CGRRF1: variants seen among roughly 807,000 people sequenced by gnomAD.
CGRRF1 encodes the protein cell growth regulator with RING finger domain protein 1.
CGRRF1 carries 32 observed loss-of-function variants against 37.2 expected under a neutral mutation model. The observed-to-expected ratio is 0.86, with a 90% CI of 0.65 to 1.16. The LOEUF (loss-of-function observed/expected upper bound fraction) is 1.16, where lower values mean the gene tolerates loss of function less well. Ranked by LOEUF, CGRRF1 falls within the 50% of genes most tolerant of loss-of-function variation. The pLI is 0.00. For synonymous variants in CGRRF1, 141 were observed against 140.3 expected, an observed-to-expected ratio of 1.00 and a Z score of -0.04; for missense variants, 391 against 382.6, an observed-to-expected ratio of 1.02 and a Z score of -0.18.
intron 5 of CGRRF1, 94 bp from the exon 6 acceptor site, chr14:54,537,969 A>T: frequency 2.7e-6 from 4 of 1,471,120 alleles, no homozygotes; most frequent in Non-Finnish European, 3.6e-6. Flanking sequence ...TGAATTTGCT[A>T]GCTCATAAAT....
rs549382141 is a variant in CGRRF1, at chr14:54,510,284, C to T, written c.104+221C>T. On this transcript the variant is annotated intron_variant, in intron 1 of 5. Coordinates refer to ENST00000216420, the MANE Select transcript of CGRRF1 (RefSeq NM_006568.3). ...CACCGTTTGGTCCGTGTCGCTGGGG[C>T]ATCTTGGGGTGGTACCGCATTGGGG... The T allele has an allele frequency of 5.3e-6, 3 of 568,176 alleles. No homozygotes were observed. In the East Asian group the frequency reaches 9.0e-5, roughly 17 times the overall value. 35.2% of individuals were successfully genotyped at this position (568,176 alleles called of 1,614,324 possible).
chr14:54,522,566 A>T lies in CGRRF1; in HGVS notation c.217A>T (p.Thr73Ser). The change falls in exon 2 of 6, where the codon ACT becomes TCT. Residue 73 changes from threonine (T) to serine (S), a missense_variant. By Grantham distance (58) the Thr-to-Ser change is moderately conservative. Coordinates refer to ENST00000216420, the MANE Select transcript of CGRRF1 (RefSeq NM_006568.3). Reference sequence around the variant, plus strand: ...CAAGAATCCTTTTGGCTTAGAGATCACTAATCCATCTTCAGCTTCAATTAC... The same window carrying T: ...CAAGAATCCTTTTGGCTTAGAGATCTCTAATCCATCTTCAGCTTCAATTAC... The part of the protein sequence containing the change: ...QVKNPFGLEI[T>S]NPSSASITTG... 1 of 1,595,392 alleles carries T rather than the reference A, an allele frequency of 6.3e-7. No individual in the cohort carries two copies. The highest frequency in any genetic ancestry group is 8.5e-7 in the Non-Finnish European group (1 of 1,173,782).
intron 2 of CGRRF1, among the ~76,000 whole-genome samples, chr14:54,522,854 T>C (rs1446798904): frequency 6.6e-6 from 1 of 152,260 alleles, no homozygotes; most frequent in Non-Finnish European, 1.5e-5. Context: ...CAGGTGTTAA[T>C]AGTGAAGTCT....
At chr14:54,520,054 C>T (rs938638420) in intron 1 of CGRRF1, among the ~76,000 whole-genome samples, 1 of 152,026 alleles carries the variant, frequency 6.6e-6, no homozygotes, top group Admixed American at 6.6e-5. Flanking sequence ...TGTTTGTTTT[C>T]GTTTATAGTT....
intron 4 of CGRRF1, among the ~76,000 whole-genome samples, chr14:54,533,930 G>T (rs768704676): frequency 5.3e-5 from 8 of 151,836 alleles, no homozygotes; most frequent in Non-Finnish European, 8.8e-5. Flanking sequence ...ATATTTGTCT[G>T]TATCTTTCCA....
Position 54,530,071 on chromosome 14 carries a change from T to C in CGRRF1, c.267T>C (p.Asp89=). Residue 89 remains aspartate, a synonymous_variant, in exon 3 of 6, where the codon GAT becomes GAC. Coordinates refer to ENST00000216420, the MANE Select transcript of CGRRF1 (RefSeq NM_006568.3). ...CAGCTGGCATAACCTTGACAACAGA[T>C]TGCCTTGAAGATAGCCTCCTTACAT... ...SITTGITLTT[D]CLEDSLLTCY... 2.5e-6 allele frequency: 4 copies of C among 1,610,952 alleles called. No individual in the cohort carries two copies. The African/African-American group carries it at 4.0e-5, about 16-fold the overall frequency.
chr14:54,512,601 C>G (rs2032147654), intron 1 of CGRRF1, among the ~76,000 whole-genome samples: 1 of 152,222 alleles, frequency 6.6e-6, no homozygotes, highest in Non-Finnish European at 1.5e-5. Flanking sequence ...TGCAAGCTGA[C>G]TGCCCATTGG....
intron 2 of CGRRF1, among the ~76,000 whole-genome samples, chr14:54,523,871 G>A (rs1021028069): frequency 1.3e-4 from 19 of 151,952 alleles, no homozygotes; most frequent in African/African-American, 4.1e-4. Context: ...TTTCTGGGCC[G>A]AGACCCTGTC....
rs149602756 is a variant in CGRRF1 at position 54,521,331 on chromosome 14, C to T, written c.105-1123C>T. Among the ~76,000 whole-genome samples the T allele has an allele frequency of 4.1e-3, 621 of 151,698 alleles. 7 individuals are homozygous for T. Among genetic ancestry groups the T allele is most frequent in the African/African-American group, 0.014 (596 of 41,402 alleles). Reference sequence around the variant, plus strand: ...CAAAAATTACCTGGGCATGGTGGCACATGCCTGTAATCTCAGCTACTTGGG... The same window carrying T: ...CAAAAATTACCTGGGCATGGTGGCATATGCCTGTAATCTCAGCTACTTGGG... On this transcript the variant is annotated intron_variant, in intron 1 of 5. Transcript: ENST00000216420.
At chr14:54,516,380 C>A (rs1481129300) in intron 1 of CGRRF1, among the ~76,000 whole-genome samples, 1 of 151,980 alleles carries the variant, frequency 6.6e-6, no homozygotes, top group African/African-American at 2.4e-5. Context: ...TTGAAAAAGT[C>A]TTTATTTTGC....
At chr14:54,519,685 G>A (rs1017043519) in intron 1 of CGRRF1, among the ~76,000 whole-genome samples, 8 of 152,204 alleles carry the variant, frequency 5.3e-5, no homozygotes, top group Non-Finnish European at 1.0e-4. Flanking sequence ...AGTACATGAA[G>A]GCTTGGTTGC....
intron 1 of CGRRF1, among the ~76,000 whole-genome samples, chr14:54,520,411 G>C (rs1008712210): frequency 2.6e-5 from 4 of 152,198 alleles, no homozygotes; most frequent in Admixed American, 2.6e-4. Context: ...GGGATTACAG[G>C]TGTGAGCCAC....
intron 1 of CGRRF1, among the ~76,000 whole-genome samples, chr14:54,520,300 T>C (rs2032294291): frequency 6.6e-6 from 1 of 151,834 alleles, no homozygotes; most frequent in South Asian, 2.1e-4. Context: ...TGTATGTGTG[T>C]GTGTGTGTAT....
chr14:54,534,374 C>T (rs1353556070), intron 4 of CGRRF1, among the ~76,000 whole-genome samples: 1 of 152,128 alleles, frequency 6.6e-6, no homozygotes. Flanking sequence ...CGACCCGCCT[C>T]GGCCTCCCAA....
chr14:54,513,048 A>T (rs2032155644), intron 1 of CGRRF1, among the ~76,000 whole-genome samples: 1 of 152,208 alleles, frequency 6.6e-6, no homozygotes, highest in African/African-American at 2.4e-5. Flanking sequence ...GTTGATGCTG[A>T]CAACTTTAAA....
intron 1 of CGRRF1, among the ~76,000 whole-genome samples, chr14:54,511,653 C>T (rs1048326658): frequency 2.6e-5 from 4 of 152,198 alleles, no homozygotes; most frequent in African/African-American, 9.7e-5. Context: ...TCAGGAGCCT[C>T]ATGTTTGTAG....
chr14:54,521,185 G>A (rs1324063901), intron 1 of CGRRF1, among the ~76,000 whole-genome samples: 1 of 152,118 alleles, frequency 6.6e-6, no homozygotes, highest in Non-Finnish European at 1.5e-5. Context: ...TCCTGGCTGG[G>A]TATGGTGGCT....
rs184724315 is a variant in CGRRF1, at chr14:54,515,559, G to T, written c.104+5496G>T. Among the ~76,000 whole-genome samples the T allele has an allele frequency of 4.3e-3, 657 of 152,218 alleles. 2 individuals are homozygous for T. Among genetic ancestry groups the T allele is most frequent in the Non-Finnish European group, 6.9e-3 (469 of 68,014 alleles). On this transcript the variant is annotated intron_variant, in intron 1 of 5. Coordinates refer to ENST00000216420, the MANE Select transcript of CGRRF1 (RefSeq NM_006568.3). ...GTGGATTTATCTATTTCTCTTGGCA[G>T]TTGTATCAGTTTTTGCTTTATATTT...
At chr14:54,531,930 G>A (rs1023712787) in intron 4 of CGRRF1, among the ~76,000 whole-genome samples, 1 of 152,104 alleles carries the variant, frequency 6.6e-6, no homozygotes, top group Non-Finnish European at 1.5e-5. Flanking sequence ...TAAACATATG[G>A]TAACATTGTT....
Sources: allele counts gnomAD v4.1 joint callset (sites outside exome capture counted in the v4.1 genomes callset), GRCh38; gene constraint gnomAD v4.1.1; transcripts MANE v1.5; gene names NCBI Gene and HGNC (gene_info 2026-07-23, HGNC 2026-07-21).